Variants in RNF14 observed in about 807,000 individuals in gnomAD.
The protein encoded by RNF14 is E3 ubiquitin-protein ligase RNF14.
Under a neutral mutation model 52.6 loss-of-function variants are expected in RNF14, and 26 were observed. That is an observed-to-expected ratio of 0.49 (90% CI 0.36 to 0.69). The LOEUF (loss-of-function observed/expected upper bound fraction) is 0.69. Among genes scored for constraint, RNF14 ranks in the 30% least tolerant of loss-of-function variants. RNF14 has a pLI of 0.00. For missense variants in RNF14, 404 were observed against 560.4 expected (o/e 0.72, Z 2.82); for synonymous variants, 194 against 202.0 (o/e 0.96, Z 0.34).
chr5:141,957,351 G>A (rs1409061238), upstream of RNF14: 2 of 1,613,720 alleles, frequency 1.2e-6, no homozygotes, highest in African/African-American at 1.3e-5. The surrounding 1 kb of genome is among the most constrained non-coding windows in gnomAD (Gnocchi z 4.3). Flanking sequence ...TGTGCAGGGT[G>A]TTAGGGCCTG....
Position 141,984,789 on chromosome 5 carries a change from A to T in RNF14, c.1237-14A>T. On this transcript the variant is annotated splice_polypyrimidine_tract_variant and intron_variant, in intron 7 of 8. Transcript: ENST00000394520. ...ACAGCCTTGATATTTTTCTCTTTCT[A>T]TCCTTCCCACCAGAAATTAGACGGA... The T allele has an allele frequency of 6.2e-7, 1 of 1,613,024 alleles. No homozygotes were observed. Among genetic ancestry groups the T allele is most frequent in the Non-Finnish European group, 8.5e-7 (1 of 1,179,246 alleles).
In RNF14 at chr5:141,984,895, C is replaced by T. The variant is rs767430881; in HGVS notation, c.1329C>T (p.Tyr443=). 5 of 1,613,928 alleles carry T rather than the reference C, an allele frequency of 3.1e-6. No homozygotes were observed. Among genetic ancestry groups the T allele is most frequent in the South Asian group, 1.1e-5 (1 of 91,078 alleles). The change falls in exon 8 of 9, where the codon TAC becomes TAT. Residue 443 remains tyrosine, a synonymous_variant. Coordinates refer to ENST00000394520, the MANE Select transcript of RNF14 (RefSeq NM_004290.5). ...CMGSLSRANP[Y]KHFNDPGSPC... is the part of the protein sequence containing the mutation. ...GTTCTCTCTCTAGAGCAAACCCTTA[C>T]AAACATTTCAATGACCCTGGTTCAC...
intron 2 of RNF14, among the ~76,000 whole-genome samples, chr5:141,971,664 C>G (rs1289153250): frequency 1.8e-5 from 2 of 110,640 alleles, no homozygotes; most frequent in African/African-American, 7.8e-5. Flanking sequence ...TTTTTGGAGA[C>G]AGAGTCTGTC....
chr5:141,955,226 G>A (rs533737041), upstream of RNF14: 24 of 1,614,118 alleles, frequency 1.5e-5, no homozygotes, highest in Admixed American at 5.0e-5. This position sits in a 1 kb window ranked among gnomAD's most constrained non-coding sequence, Gnocchi z 5.5. Context: ...GGCCTGGAAC[G>A]TGGCTGGCCT....
the RNF14 span, among the ~76,000 whole-genome samples, chr5:141,950,473 A>G: frequency 1.3e-5 from 2 of 152,330 alleles, no homozygotes; most frequent in East Asian, 3.9e-4. Flanking sequence ...TGCAAGGTCC[A>G]TGCACCGTCT....
upstream of RNF14, chr5:141,955,099 C>T (rs776824903): frequency 3.1e-6 from 5 of 1,614,108 alleles, no homozygotes; most frequent in African/African-American, 5.3e-5. The surrounding 1 kb of genome is among the most constrained non-coding windows in gnomAD (Gnocchi z 5.5). Context: ...GGACACTTTG[C>T]CATTGAGATG....
chr5:141,966,960 A>C (rs1225364194), upstream of RNF14: 5 of 152,310 alleles, frequency 3.3e-5, no homozygotes, highest in African/African-American at 1.2e-4. Flanking sequence ...AACATGAATA[A>C]TTATATTAAT....
Position 141,988,023 on chromosome 5 carries a change from C to T in RNF14, c.*233C>T. 3 of 503,954 alleles carry T rather than the reference C, an allele frequency of 6.0e-6. No individual in the cohort carries two copies. Among genetic ancestry groups the T allele is most frequent in the South Asian group, 5.6e-5 (2 of 35,536 alleles). 31.2% of individuals were successfully genotyped at this position (503,954 alleles called of 1,614,324 possible). A position where few individuals can be genotyped will look rare whatever the true frequency, so the allele number is the denominator to read the frequency against. On this transcript the variant is annotated 3_prime_UTR_variant, in exon 9 of 9. Coordinates refer to ENST00000394520, the MANE Select transcript of RNF14 (RefSeq NM_004290.5). ...GCCAAAGGTTCAGAAAATTAAACTA[C>T]AGAATATTAAATATTATAATGTGCC...
upstream of RNF14, chr5:141,956,429 G>A: frequency 1.2e-6 from 2 of 1,614,184 alleles, no homozygotes; most frequent in South Asian, 1.1e-5. Flanking sequence ...TGAAGAGAGG[G>A]TAAGTTGTTT....
chr5:141,982,661 G>A (rs1483913813), intron 6 of RNF14: 1 of 152,198 alleles, frequency 6.6e-6, no homozygotes, highest in Non-Finnish European at 1.5e-5. Context: ...CCAGATTGAA[G>A]AGTATCGAGG....
chr5:141,987,227 C>T (rs1176025922), intron 8 of RNF14, among the ~76,000 whole-genome samples: 1 of 152,116 alleles, frequency 6.6e-6, no homozygotes, highest in Non-Finnish European at 1.5e-5. Context: ...CCATCATGGC[C>T]GGGAACTGTT....
chr5:141,960,703 C>G (rs1299641884), intron 1 of RNF14, among the ~76,000 whole-genome samples: 9 of 152,196 alleles, frequency 5.9e-5, no homozygotes, highest in Non-Finnish European at 8.8e-5. Flanking sequence ...ATGACGCACT[C>G]ACAGCCATAC....
chr5:141,956,316 G>T (rs764984361), upstream of RNF14: 1 of 1,614,208 alleles, frequency 6.2e-7, no homozygotes, highest in South Asian at 1.1e-5. Flanking sequence ...CTCCTGTGTT[G>T]GAGTCAATAG....
chr5:141,952,497 G>A, the RNF14 span: 1 of 152,334 alleles, frequency 6.6e-6, no homozygotes, highest in Non-Finnish European at 1.5e-5. Context: ...TCAGGCAGAA[G>A]CACTGCACAC....
At chr5:141,971,311 G>T (rs1016691673) in intron 2 of RNF14, among the ~76,000 whole-genome samples, 1 of 150,780 alleles carries the variant, frequency 6.6e-6, no homozygotes, top group Non-Finnish European at 1.5e-5. Flanking sequence ...GTGCAAACAC[G>T]GCTCACTGCA....
Position 141,987,718 on chromosome 5 carries a change from T to C in RNF14, c.1368-15T>C, listed in dbSNP as rs376845958. The C allele has an allele frequency of 4.3e-6, 7 of 1,613,792 alleles. No homozygotes were observed. The African/African-American group carries it at 9.3e-5, about 22-fold the overall frequency. Reference sequence around the variant, plus strand: ...GTTCAAGTGTATAAAAATGTACCTTTTTTAATGCTTCCAGGCTGTTTTATG... The same window carrying C: ...GTTCAAGTGTATAAAAATGTACCTTCTTTAATGCTTCCAGGCTGTTTTATG... On this transcript the variant is annotated splice_polypyrimidine_tract_variant and intron_variant, in intron 8 of 8. Coordinates refer to ENST00000394520, the MANE Select transcript of RNF14 (RefSeq NM_004290.5).
At chr5:141,966,131 A>G (rs1739300554), upstream of RNF14, among the ~76,000 whole-genome samples, 1 of 152,036 alleles carries the variant, frequency 6.6e-6, no homozygotes, top group South Asian at 2.1e-4. Context: ...AAATACAAAA[A>G]TTAGCCAGAT....
At chr5:141,985,562 T>C (rs936450943) in intron 8 of RNF14, among the ~76,000 whole-genome samples, 1 of 151,192 alleles carries the variant, frequency 6.6e-6, no homozygotes, top group African/African-American at 2.4e-5. Context: ...AACATTCACT[T>C]TTTTTTTTGT....
Position 141,973,754 on chromosome 5 carries a change from A to G in RNF14, c.154+12A>G. On this transcript the variant is annotated intron_variant, in intron 3 of 8. Transcript: ENST00000394520. The stretch of plus-strand genomic sequence containing the variant: ...GATATTTGTGAGCGGTTAGTTAATA[A>G]TTTCTTAAACAGATTTTTCTATTAT... 1 of 1,584,642 alleles carries G rather than the reference A, an allele frequency of 6.3e-7. No individual in the cohort carries two copies. Among genetic ancestry groups the G allele is most frequent in the South Asian group, 1.2e-5 (1 of 85,600 alleles).
Sources: allele counts gnomAD v4.1 joint callset (sites outside exome capture counted in the v4.1 genomes callset), GRCh38; gene constraint gnomAD v4.1.1; non-coding constraint Gnocchi (gnomAD v3.1); transcripts MANE v1.5; gene names NCBI Gene and HGNC (gene_info 2026-07-23, HGNC 2026-07-21).